The following ERICH6B variants were observed in gnomAD, a reference collection of about 807,000 sequenced individuals.
The protein encoded by ERICH6B is glutamate-rich protein 6B.
In ERICH6B, 69 loss-of-function variants were observed where a neutral mutation model predicts 80.0. The ratio of observed to expected loss-of-function variants is 0.86; its 90% CI spans 0.71 to 1.05. The LOEUF is 1.05. Among genes scored for constraint, ERICH6B ranks in the 50% least tolerant of loss-of-function variants. The probability of loss-of-function intolerance (pLI) is 0.00; values close to 1 mark genes in which losing one functional copy is unlikely to be tolerated. For synonymous variants in ERICH6B, 283 were observed against 291.9 expected (o/e 0.97, Z 0.31); for missense variants, 754 against 796.1 (o/e 0.95, Z 0.64).
intron 3 of ERICH6B, among the ~76,000 whole-genome samples, chr13:45,592,914 A>G (rs1294526174): frequency 6.6e-6 from 1 of 152,166 alleles, no homozygotes; most frequent in Non-Finnish European, 1.5e-5. Context: ...ACTGTGAGAA[A>G]GGTGTTTTTG....
intron 2 of ERICH6B, among the ~76,000 whole-genome samples, chr13:45,606,894 A>C (rs1187691213): frequency 4.6e-5 from 7 of 152,032 alleles, no homozygotes; most frequent in Admixed American, 4.6e-4. Context: ...TGCTTCTGCC[A>C]CATATCTCCA....
At chr13:45,580,125 C>T (rs1875595182) in intron 6 of ERICH6B, among the ~76,000 whole-genome samples, 151 bp from the exon 7 acceptor site, 1 of 152,126 alleles carries the variant, frequency 6.6e-6, no homozygotes, top group African/African-American at 2.4e-5. Context: ...TAAAAGCCTT[C>T]CTTGATCTTC....
intron 3 of ERICH6B, among the ~76,000 whole-genome samples, chr13:45,595,679 C>CTTT (rs760500009): frequency 5.9e-5 from 8 of 136,004 alleles, no homozygotes; most frequent in African/African-American, 1.9e-4. Flanking sequence ...TCTTCTCTCT[C>CTTT]TTTTTTTTTT....
intron 2 of ERICH6B, among the ~76,000 whole-genome samples, chr13:45,603,028 G>C (rs1949836051): frequency 6.6e-6 from 1 of 152,226 alleles, no homozygotes; most frequent in Non-Finnish European, 1.5e-5. Flanking sequence ...TTCAGTCCAA[G>C]GCTGGAGGCT....
At position 45,550,323 on chromosome 13, in the gene ERICH6B, A is replaced by C. The variant is rs1306644872; in HGVS notation, c.1408-7T>G. The C allele has an allele frequency of 3.2e-6, 5 of 1,549,542 alleles. No homozygotes were observed. Among genetic ancestry groups the C allele is most frequent in the Non-Finnish European group, 4.4e-6 (5 of 1,145,096 alleles). On this transcript the variant is annotated splice_polypyrimidine_tract_variant and splice_region_variant and intron_variant, in intron 11 of 14. Transcript: ENST00000298738. ...TTCCATCACCTTGATGCACCTGGGA[A>C]GAAAAGACAAGCCTATGAAAAGTGT...
chr13:45,605,363 G>T (rs1170007413), intron 2 of ERICH6B, among the ~76,000 whole-genome samples: 1 of 152,324 alleles, frequency 6.6e-6, no homozygotes, highest in South Asian at 2.1e-4. Context: ...TCTGTTTCCA[G>T]ACTGGAGTAT....
chr13:45,613,962 T>G (rs899520194), intron 1 of ERICH6B, among the ~76,000 whole-genome samples: 1 of 152,188 alleles, frequency 6.6e-6, no homozygotes, highest in Non-Finnish European at 1.5e-5. Flanking sequence ...AGGAATTTGC[T>G]GCCAGGGTCT....
chr13:45,553,013 T>C, intron 11 of ERICH6B: 1 of 236,124 alleles, frequency 4.2e-6, no homozygotes, highest in Non-Finnish European at 8.8e-6. Flanking sequence ...TCTTCAGGTT[T>C]TAGTTCTCTT....
At chr13:45,550,393 G>C (rs1874173573) in intron 11 of ERICH6B, 77 bp from the exon 12 acceptor site, 8 of 1,223,262 alleles carry the variant, frequency 6.5e-6, no homozygotes, top group Non-Finnish European at 9.3e-6. Context: ...AGCACGGTGT[G>C]GACCCCATCT....
At chr13:45,580,513 G>T in intron 6 of ERICH6B, 90 bp downstream of exon 6, 1 of 1,356,456 alleles carries the variant, frequency 7.4e-7, no homozygotes, top group Non-Finnish European at 1.0e-6. Flanking sequence ...TGCTCTCCTT[G>T]GCTGGGGGCA....
At position 45,591,251 on chromosome 13, in the gene ERICH6B, C is replaced by T. The variant is rs374556381; in HGVS notation, c.638-554G>A. ...GGAAATGTGAACACTTCCACTTATC[C>T]GTAGCTTACCCATGCAAGAAAATAT... On this transcript the variant is annotated intron_variant, in intron 3 of 14. Transcript: ENST00000298738. 5.9e-5 allele frequency among the ~76,000 whole-genome samples: 9 copies of T among 152,262 alleles called. No individual in the cohort carries two copies. In the South Asian group the frequency reaches 6.2e-4, roughly 11 times the overall value.
chr13:45,565,003 A>G (rs1036065055), intron 9 of ERICH6B, among the ~76,000 whole-genome samples: 1 of 152,234 alleles, frequency 6.6e-6, no homozygotes, highest in African/African-American at 2.4e-5. Flanking sequence ...AAATTAGCAC[A>G]TAGTAGGTGC....
chr13:45,608,642 A>G (rs921825446), intron 1 of ERICH6B, among the ~76,000 whole-genome samples: 1 of 152,196 alleles, frequency 6.6e-6, no homozygotes, highest in African/African-American at 2.4e-5. Flanking sequence ...CTAAAAAGGG[A>G]AAGAAAATAA....
intron 5 of ERICH6B, 67 bp downstream of exon 5, chr13:45,586,996 A>G (rs1875932159): frequency 6.8e-7 from 1 of 1,476,784 alleles, no homozygotes; most frequent in Non-Finnish European, 9.1e-7. Flanking sequence ...TCACATGCAC[A>G]AAACCATTCC....
In ERICH6B at chr13:45,590,673, T is replaced by A. The variant is rs751604519; in HGVS notation, c.662A>T (p.Gln221Leu). 6.4e-7 allele frequency: 1 copy of A among 1,551,702 alleles called. No individual in the cohort carries two copies. The highest frequency in any genetic ancestry group is 2.4e-5 in the East Asian group (1 of 40,916). Reference sequence around the variant, plus strand: ...CCTTGCATCACGAAGAAGCATGGTTTGTGATGAATAACTTGCCTTGGGTTC... The same window carrying A: ...CCTTGCATCACGAAGAAGCATGGTTAGTGATGAATAACTTGCCTTGGGTTC... ...LKEPKASYSS[Q>L]TMLLRDARSP... Residue 221 changes from glutamine (Q) to leucine (L), a missense_variant, in exon 4 of 15, where the codon CAA (glutamine) becomes CTA (leucine). Gln to Leu is a moderately radical substitution (Grantham distance 113). Transcript: ENST00000298738.
In ERICH6B at chr13:45,596,687, C is replaced by A; in HGVS notation, c.319G>T (p.Glu107Ter). ...YLEKAGYLEE[E>*]EYIEEEEYLG... ...TACTCTTCCTCTTCAATATACTCTT[C>A]CTCCTCCAGATACCCTGCCTTCTCC... Residue 107 changes from glutamate (E) to a stop codon, truncating the protein, a stop_gained, in exon 3 of 15, where the codon GAA becomes TAA. Transcript: ENST00000298738. LOFTEE classifies it high-confidence loss of function. The A allele has an allele frequency of 6.4e-7, 1 of 1,552,048 alleles. No individual in the cohort carries two copies. The highest frequency in any genetic ancestry group is 8.7e-7 in the Non-Finnish European group (1 of 1,147,040).
At chr13:45,545,029 C>T (rs969408005) in intron 13 of ERICH6B, 44 bp from the exon 14 acceptor site, 48 of 1,465,806 alleles carry the variant, frequency 3.3e-5, no homozygotes, top group Non-Finnish European at 4.2e-5. Flanking sequence ...GCGCTCAGCC[C>T]TGGGCCTCTG....
At chr13:45,550,422 C>G (rs1408286522) in intron 11 of ERICH6B, 106 bp from the exon 12 acceptor site, 1 of 836,124 alleles carries the variant, frequency 1.2e-6, no homozygotes, top group African/African-American at 1.7e-5. Flanking sequence ...TCCGATGCCA[C>G]GTGCTACCTC....
intron 13 of ERICH6B, among the ~76,000 whole-genome samples, chr13:45,548,600 A>T (rs1212941234): frequency 1.3e-5 from 2 of 152,066 alleles, no homozygotes; most frequent in Non-Finnish European, 2.9e-5. Flanking sequence ...ATACACAGGG[A>T]CCGTCTGTTT....
Sources: allele counts gnomAD v4.1 joint callset (sites outside exome capture counted in the v4.1 genomes callset), GRCh38; gene constraint gnomAD v4.1.1; transcripts MANE v1.5; gene names NCBI Gene and HGNC (gene_info 2026-07-23, HGNC 2026-07-21).